USP24: variants seen among roughly 807,000 people sequenced by gnomAD.
USP24 encodes ubiquitin carboxyl-terminal hydrolase 24.
USP24 carries 97 observed loss-of-function variants against 361.6 expected under a neutral mutation model. The observed-to-expected ratio is 0.27, with a 90% confidence interval of 0.23 to 0.32. USP24 has a LOEUF of 0.32. Ranked by LOEUF, USP24 falls within the 10% of genes least tolerant of loss-of-function variation. The pLI, the probability that USP24 is intolerant of heterozygous loss-of-function variation, is 1.00. For synonymous variants in USP24, 1,098 were observed against 1,124.6 expected, an observed-to-expected ratio of 0.98 and a Z score of 0.47; for missense variants, 2,353 against 3,165.6, an observed-to-expected ratio of 0.74 and a Z score of 6.16.
intron 1 of USP24, 93 bp downstream of exon 1, chr1:55,214,697 T>G: frequency 1.9e-6 from 2 of 1,036,752 alleles, no homozygotes; most frequent in Non-Finnish European, 2.4e-6. Flanking sequence ...TCGAATGCCC[T>G]CTCTCCCCAC....
intron 32 of USP24, among the ~76,000 whole-genome samples, chr1:55,126,799 T>C (rs1489579713): frequency 6.6e-6 from 1 of 152,158 alleles, no homozygotes; most frequent in African/African-American, 2.4e-5. Flanking sequence ...CCAGCTTCTC[T>C]GTGCCAGACC....
At chr1:55,154,630 T>C (rs1647432901) in intron 13 of USP24, 41 bp downstream of exon 13, 2 of 1,582,010 alleles carry the variant, frequency 1.3e-6, no homozygotes, top group East Asian at 2.2e-5. Flanking sequence ...GAGCTTATTT[T>C]AAGAAAATTT....
chr1:55,169,214 T>A (rs961154517), intron 5 of USP24, among the ~76,000 whole-genome samples: 2 of 151,880 alleles, frequency 1.3e-5, no homozygotes, highest in Admixed American at 6.6e-5. Flanking sequence ...AAAGTAGATA[T>A]AAATTTAAAA....
At position 55,095,260 on chromosome 1, in the gene USP24, G is replaced by C; in HGVS notation, c.6198C>G (p.Leu2066=). 5.6e-6 allele frequency: 9 copies of C among 1,613,616 alleles called. No individual in the cohort carries two copies. Among genetic ancestry groups the C allele is most frequent in the Non-Finnish European group, 7.6e-6 (9 of 1,179,764 alleles). The part of the protein sequence containing the change: ...VSVVRQEAED[L]SLSAPSSPEI... The stretch of plus-strand genomic sequence containing the variant: ...TACATGGAAGAGACACTTACAGAGA[G>C]AGATCCTCAGCTTCCTGCCGTACAA... The change falls in exon 51 of 68, where the codon CTC becomes CTG. Residue 2066 remains leucine (L), a synonymous_variant. Transcript: ENST00000294383.
chr1:55,120,598 C>T lies in USP24; in HGVS notation c.4506G>A (p.Gln1502=). ...SPTSIMRGVN[Q]RLLSQCMEYF... The stretch of plus-strand genomic sequence containing the variant: ...GCTTTTCCATTTTTATTACCTACCT[C>T]TGATTGACTCCTCTCATAATACTAG... Residue 1502 remains glutamine, a splice_region_variant and synonymous_variant, in exon 38 of 68, where the codon CAG becomes CAA. Coordinates refer to ENST00000294383, the MANE Select transcript of USP24 (RefSeq NM_015306.3). 1 of 1,548,258 alleles carries T rather than the reference C, an allele frequency of 6.5e-7. No individual in the cohort carries two copies. Among genetic ancestry groups the T allele is most frequent in the Non-Finnish European group, 8.7e-7 (1 of 1,146,102 alleles).
In USP24 at chr1:55,097,997, T is replaced by G; in HGVS notation, c.5541A>C (p.Arg1847Ser). Residue 1847 changes from arginine to serine, a missense_variant, in exon 47 of 68, where the codon AGA becomes AGC. Around this residue, in one of 8 missense-constraint regions of USP24, gnomAD observed 105 missense variants for 200.3 expected, o/e 0.52. Transcript: ENST00000294383. ...CATTACTTCCTTCTAGAACTTCTCCTCTAACAAATTGGTCCAAAGAAATTT... is the reference window on the plus strand; with the variant it reads ...CATTACTTCCTTCTAGAACTTCTCCGCTAACAAATTGGTCCAAAGAAATTT... ...SLEISLDQFV[R>S]GEVLEGSNAY... 6.2e-7 allele frequency: 1 copy of G among 1,613,632 alleles called. No homozygotes were observed.
chr1:55,096,469 A>G (rs1180087741), intron 50 of USP24, 29 bp downstream of exon 50: 2 of 1,486,480 alleles, frequency 1.3e-6, no homozygotes, highest in Non-Finnish European at 1.8e-6. Flanking sequence ...AAAAAAACTA[A>G]TGGAAAATAT....
chr1:55,188,629 C>G (rs1252564902), intron 1 of USP24, among the ~76,000 whole-genome samples: 3 of 151,896 alleles, frequency 2.0e-5, no homozygotes, highest in African/African-American at 4.8e-5. Flanking sequence ...CCACAAAATA[C>G]CACTTCACAC....
chr1:55,096,942 A>G lies in USP24; in HGVS notation c.5936+10T>C. 1 of 1,611,334 alleles carries G rather than the reference A, an allele frequency of 6.2e-7. No homozygotes were observed. Among genetic ancestry groups the G allele is most frequent in the South Asian group, 1.1e-5 (1 of 90,646 alleles). ...GAAAGTGAGTAAGTGCTGCCTCAGG[A>G]AACTCTTACCGCCTGTCCTTAATGA... On this transcript the variant is annotated intron_variant, in intron 49 of 67. Transcript: ENST00000294383.
At chr1:55,106,075 A>G in intron 41 of USP24, 71 bp downstream of exon 41, 1 of 1,223,928 alleles carries the variant, frequency 8.2e-7, no homozygotes, top group Non-Finnish European at 1.2e-6. Flanking sequence ...CCAAGTTAAC[A>G]AAATCTTTTG....
chr1:55,159,524 G>T, intron 9 of USP24, 87 bp downstream of exon 9: 1 of 1,120,264 alleles, frequency 8.9e-7, no homozygotes, highest in Non-Finnish European at 1.3e-6. Context: ...AATTCAAAGA[G>T]CATGGTGTGT....
At chr1:55,120,303 A>C (rs1163817259) in intron 38 of USP24, among the ~76,000 whole-genome samples, 1 of 152,196 alleles carries the variant, frequency 6.6e-6, no homozygotes, top group Non-Finnish European at 1.5e-5. Flanking sequence ...ACCTTTACAC[A>C]GTGACCGGGC....
intron 61 of USP24, among the ~76,000 whole-genome samples, chr1:55,078,147 T>C (rs1382184915): frequency 3.3e-5 from 5 of 152,128 alleles, no homozygotes; most frequent in Admixed American, 6.5e-5. Context: ...GAAACTAATA[T>C]ATACATAGTG....
At chr1:55,114,933 G>T (rs1022585274) in intron 38 of USP24, among the ~76,000 whole-genome samples, 1 of 152,040 alleles carries the variant, frequency 6.6e-6, no homozygotes, top group African/African-American at 2.4e-5. Flanking sequence ...CACAGCAAAA[G>T]AAACTATCAT....
intron 1 of USP24, among the ~76,000 whole-genome samples, chr1:55,205,809 T>C (rs1423177387): frequency 6.6e-6 from 1 of 152,182 alleles, no homozygotes; most frequent in Non-Finnish European, 1.5e-5. Context: ...AGGGAGAGTA[T>C]AGCCCCATCA....
At chr1:55,072,224 A>G in intron 66 of USP24, 93 bp downstream of exon 66, 1 of 1,000,244 alleles carries the variant, frequency 1.0e-6, no homozygotes, top group Admixed American at 2.3e-5. Flanking sequence ...TTCAACTCAT[A>G]CCTCTCTTCT....
intron 1 of USP24, among the ~76,000 whole-genome samples, chr1:55,200,509 C>T (rs764188455): frequency 1.3e-5 from 2 of 152,166 alleles, no homozygotes; most frequent in Non-Finnish European, 2.9e-5. Flanking sequence ...TTTCTTTCCT[C>T]CTCCTACTCC....
At chr1:55,160,331 T>C (rs1049571346) in intron 8 of USP24, among the ~76,000 whole-genome samples, 2 of 152,254 alleles carry the variant, frequency 1.3e-5, no homozygotes, top group Admixed American at 1.3e-4. Flanking sequence ...CAGGCAGTTA[T>C]CCAGATAGAA....
chr1:55,101,900 A>G (rs960399328), intron 42 of USP24, among the ~76,000 whole-genome samples, 197 bp from the exon 43 acceptor site: 2 of 152,188 alleles, frequency 1.3e-5, no homozygotes, highest in African/African-American at 4.8e-5. Flanking sequence ...TGCTATCTCA[A>G]TGTTGCTTTT....
Sources: allele counts gnomAD v4.1 joint callset (sites outside exome capture counted in the v4.1 genomes callset), GRCh38; gene constraint gnomAD v4.1.1; regional missense constraint gnomAD v4.1.1; transcripts MANE v1.5; gene names NCBI Gene and HGNC (gene_info 2026-07-23, HGNC 2026-07-21).